Variants in ITGA8 observed in about 807,000 individuals in gnomAD.
ITGA8 encodes integrin subunit alpha 8, also known as integrin alpha-8.
A neutral mutation model predicts 142.3 loss-of-function variants in ITGA8; 91 were observed. The observed-to-expected ratio is 0.64, with a 90% CI of 0.54 to 0.76. The LOEUF (loss-of-function observed/expected upper bound fraction) is 0.76, where lower values mean the gene tolerates loss of function less well. Among genes scored for constraint, ITGA8 ranks in the 30% least tolerant of loss-of-function variants. The pLI, the probability that ITGA8 is intolerant of heterozygous loss-of-function variation, is 0.00. For missense variants in ITGA8, 1,406 were observed against 1,327.7 expected (o/e 1.06, Z -0.92); for synonymous variants, 505 against 485.2 (o/e 1.04, Z -0.54).
At chr10:15,634,951 A>G (rs1309880484) in intron 13 of ITGA8, among the ~76,000 whole-genome samples, 1 of 151,846 alleles carries the variant, frequency 6.6e-6, no homozygotes. Context: ...AGTATTTCCA[A>G]GAAAACATTG....
At chr10:15,588,300 C>T (rs1832867458) in intron 22 of ITGA8, among the ~76,000 whole-genome samples, 1 of 152,196 alleles carries the variant, frequency 6.6e-6, no homozygotes. Flanking sequence ...TGCAACCACA[C>T]ATAAAAGATA....
At chr10:15,690,796 G>A (rs1318581777) in intron 2 of ITGA8, among the ~76,000 whole-genome samples, 1 of 152,062 alleles carries the variant, frequency 6.6e-6, no homozygotes, top group African/African-American at 2.4e-5. Flanking sequence ...AGCTGAAGAA[G>A]CTTCAGAGAA....
chr10:15,655,664 A>G (rs1588701929), intron 10 of ITGA8, among the ~76,000 whole-genome samples: 1 of 152,188 alleles, frequency 6.6e-6, no homozygotes, highest in South Asian at 2.1e-4. Context: ...TAATCTGTGG[A>G]CACAGCTATC....
chr10:15,641,926 G>A (rs1423707292), intron 13 of ITGA8, among the ~76,000 whole-genome samples: 3 of 152,256 alleles, frequency 2.0e-5, no homozygotes, highest in Admixed American at 6.5e-5. Context: ...TCAAGAGATT[G>A]AGACCATCTT....
Position 15,678,370 on chromosome 10 carries a change from TA to T in ITGA8, c.630+351del, listed in dbSNP as rs201644430. 6.9e-3 allele frequency among the ~76,000 whole-genome samples: 1,058 copies of T among 152,322 alleles called. 3 individuals are homozygous for T. Among genetic ancestry groups the T allele is most frequent in the Non-Finnish European group, 0.01 (689 of 68,018 alleles). On this transcript the variant is annotated intron_variant, in intron 5 of 29. Coordinates refer to ENST00000378076, the MANE Select transcript of ITGA8 (RefSeq NM_003638.3). ...TTAAATGTAACTGGTCAATTACAGT[TA>T]ACAAAACAATGAATAGATTCATGTG...
At chr10:15,659,793 A>C (rs964286567) in intron 9 of ITGA8, among the ~76,000 whole-genome samples, 6 of 152,224 alleles carry the variant, frequency 3.9e-5, no homozygotes, top group African/African-American at 1.4e-4. Context: ...AGAAGGCCAC[A>C]TGAGGATGGA....
At chr10:15,681,892 C>T (rs1834744484) in intron 4 of ITGA8, among the ~76,000 whole-genome samples, 1 of 152,124 alleles carries the variant, frequency 6.6e-6, no homozygotes, top group Non-Finnish European at 1.5e-5. Context: ...CTCTCCACTA[C>T]CATTCATTTT....
rs200922550 is a variant in ITGA8 at position 15,662,326 on chromosome 10, CTTTTTTTTTT to C, written c.848-1414_848-1405del. Among the ~76,000 whole-genome samples, 161 of 72,728 alleles carry C rather than the reference CTTTTTTTTTT, an allele frequency of 2.2e-3. 2 individuals carry two copies. The highest frequency in any genetic ancestry group is 6.2e-3 in the African/African-American group (93 of 15,054). 47.7% of individuals were successfully genotyped at this position (72,728 alleles called of 152,430 possible). ...CTCAAGGTGAAATCTTCAGAAGGTC[CTTTTTTTTTT>C]TTTTTTTTTTTTTTTTTTAAACAGG... is the stretch of plus-strand genomic sequence containing the variant. On this transcript the variant is annotated intron_variant, in intron 8 of 29. Coordinates refer to ENST00000378076, the MANE Select transcript of ITGA8 (RefSeq NM_003638.3).
chr10:15,536,795 T>A (rs1368580367), intron 27 of ITGA8, among the ~76,000 whole-genome samples: 1 of 152,178 alleles, frequency 6.6e-6, no homozygotes, highest in African/African-American at 2.4e-5. Context: ...GCACAATGAT[T>A]TGCTTATAGG....
chr10:15,627,667 A>C (rs1350552479), intron 13 of ITGA8, among the ~76,000 whole-genome samples: 1 of 152,178 alleles, frequency 6.6e-6, no homozygotes, highest in East Asian at 1.9e-4. Context: ...GAGATTCCCC[A>C]AGTCAACATC....
intron 15 of ITGA8, among the ~76,000 whole-genome samples, chr10:15,610,180 C>T (rs75326126): frequency 0.038 from 5,775 of 152,196 alleles, 320 homozygotes; most frequent in African/African-American, 0.12. Context: ...TAATAGATTA[C>T]TTTAGTGGAA....
intron 15 of ITGA8, among the ~76,000 whole-genome samples, chr10:15,609,570 T>C (rs1378886263): frequency 1.3e-5 from 2 of 152,336 alleles, no homozygotes; most frequent in South Asian, 2.1e-4. Flanking sequence ...AAGTGTTTAT[T>C]CCGCTTCCCC....
intron 2 of ITGA8, among the ~76,000 whole-genome samples, chr10:15,694,322 T>TACATCA (rs1564412417): frequency 0.038 from 455 of 11,918 alleles, 11 homozygotes; most frequent in African/African-American, 0.047. Flanking sequence ...ATCATATATA[T>TACATCA]GATAATATAT....
chr10:15,671,448 C>T (rs549921788), intron 8 of ITGA8, among the ~76,000 whole-genome samples, 155 bp downstream of exon 8: 1 of 152,066 alleles, frequency 6.6e-6, no homozygotes, highest in Non-Finnish European at 1.5e-5. Context: ...AATGCTGTAT[C>T]AAAGTATTTT....
At chr10:15,528,875 G>T (rs1317153371) in intron 28 of ITGA8, among the ~76,000 whole-genome samples, 6 of 152,138 alleles carry the variant, frequency 3.9e-5, no homozygotes, top group Non-Finnish European at 7.4e-5. Flanking sequence ...GAAAGATGTG[G>T]CTGTGCTTGC....
intron 6 of ITGA8, among the ~76,000 whole-genome samples, chr10:15,675,112 C>T (rs1041519489): frequency 6.6e-6 from 1 of 152,102 alleles, no homozygotes; most frequent in African/African-American, 2.4e-5. Flanking sequence ...TCTCTCTAGG[C>T]CTCCCATCTA....
At position 15,613,698 on chromosome 10, in the gene ITGA8, T is replaced by C. The variant is rs1430740645; in HGVS notation, c.1515A>G (p.Lys505=). Residue 505 remains lysine (K), a synonymous_variant, in exon 15 of 30, where the codon AAA becomes AAG. Coordinates refer to ENST00000378076, the MANE Select transcript of ITGA8 (RefSeq NM_003638.3). ...LHPMIINLEN[K]TCQVPDSMTS... is the part of the protein sequence containing the mutation. ...TCATAGAGTCTGGAACCTGGCAAGT[T>C]TTATTTTCAAGATTGATAATCATTG... 3 of 1,614,120 alleles carry C rather than the reference T, an allele frequency of 1.9e-6. No homozygotes were observed. The highest frequency in any genetic ancestry group is 2.5e-6 in the Non-Finnish European group (3 of 1,179,966).
chr10:15,676,697 A>G (rs1408499786), intron 6 of ITGA8, among the ~76,000 whole-genome samples: 1 of 152,174 alleles, frequency 6.6e-6, no homozygotes, highest in Non-Finnish European at 1.5e-5. Flanking sequence ...TTGCAAGAGT[A>G]TTTTAAAATA....
chr10:15,569,619 A>G (rs1455804113), intron 25 of ITGA8, among the ~76,000 whole-genome samples: 1 of 152,160 alleles, frequency 6.6e-6, no homozygotes, highest in East Asian at 1.9e-4. Flanking sequence ...AAGTCTTGCT[A>G]TGTTGCCCAG....
Sources: gnomAD v4.1 joint callset for allele counts (sites outside exome capture counted in the v4.1 genomes callset) on GRCh38, gnomAD v4.1.1 for gene constraint, MANE v1.5 for transcripts, NCBI Gene and HGNC (gene_info 2026-07-23, HGNC 2026-07-21) for gene names.